The following GLMN variants were observed in gnomAD, a reference collection of about 807,000 sequenced individuals.
GLMN encodes glomulin, FKBP associated protein, also known as glomulin.
In GLMN, 75 loss-of-function variants were observed where a neutral mutation model predicts 87.8. That is an observed-to-expected ratio of 0.85 (90% CI 0.71 to 1.04). GLMN has a LOEUF of 1.04. Among genes scored for constraint, GLMN ranks in the 50% least tolerant of loss-of-function variants. The pLI is 0.00. For missense variants in GLMN, 588 were observed against 658.8 expected, an observed-to-expected ratio of 0.89 and a Z score of 1.18; for synonymous variants, 206 against 221.6, an observed-to-expected ratio of 0.93 and a Z score of 0.63.
In GLMN at chr1:92,247,747, A is replaced by T. The variant is rs184400301; in HGVS notation, c.1585+131T>A. On this transcript the variant is annotated intron_variant, in intron 17 of 18. Transcript: ENST00000370360. ...TAGATCTGCTAAGAATTTTAACTAT[A>T]AATAAAATGGCTTAGCTGTTATGGT... The T allele has an allele frequency of 1.0e-3, 652 of 621,516 alleles. 7 individuals carry two copies. The highest frequency in any genetic ancestry group is 0.01 in the African/African-American group (541 of 54,072). 38.5% of individuals were successfully genotyped at this position (621,516 alleles called of 1,614,324 possible). A position where few individuals can be genotyped will look rare whatever the true frequency, so the allele number is the denominator to read the frequency against.
chr1:92,332,473 CGTGTT>C, the GLMN span, among the ~76,000 whole-genome samples: 1 of 151,970 alleles, frequency 6.6e-6, no homozygotes, highest in Non-Finnish European at 1.5e-5. Flanking sequence ...ATCATATTGT[CGTGTT>C]TTATTATATG....
At chr1:92,363,068 G>GA in the GLMN span, among the ~76,000 whole-genome samples, 3 of 152,042 alleles carry the variant, frequency 2.0e-5, no homozygotes, top group South Asian at 2.1e-4. Context: ...TCTCCAGGGG[G>GA]AAAAAAATGC....
intron 4 of GLMN, among the ~76,000 whole-genome samples, chr1:92,291,095 T>C (rs1649350472): frequency 6.6e-6 from 1 of 152,218 alleles, no homozygotes; most frequent in African/African-American, 2.4e-5. Flanking sequence ...TTGAACTACC[T>C]CTCTAAAGCT....
Position 92,269,793 on chromosome 1 carries a change from A to T in GLMN, c.924-17T>A, listed in dbSNP as rs1325775418. ...TACAATGGGCTAAAATAGAAACAAA[A>T]CAAATATATATATTATACACACACA... is the stretch of plus-strand genomic sequence containing the variant. On this transcript the variant is annotated splice_polypyrimidine_tract_variant and intron_variant, in intron 8 of 18. Coordinates refer to ENST00000370360, the MANE Select transcript of GLMN (RefSeq NM_053274.3). 3 of 1,469,614 alleles carry T rather than the reference A, an allele frequency of 2.0e-6. No homozygotes were observed. The allele number at this position is 1,469,614 out of a possible 1,614,324, so 91.0% of individuals were successfully genotyped here.
upstream of GLMN, among the ~76,000 whole-genome samples, chr1:92,302,004 G>A (rs1377220474): frequency 6.6e-6 from 1 of 152,100 alleles, no homozygotes; most frequent in Admixed American, 6.5e-5. Context: ...AGCAAAAGAG[G>A]CCAGGCACAA....
chr1:92,312,823 T>C, the GLMN span, among the ~76,000 whole-genome samples: 1 of 151,930 alleles, frequency 6.6e-6, no homozygotes, highest in African/African-American at 2.4e-5. Context: ...TTTTTTTTTT[T>C]CCTTTTTTCT....
chr1:92,369,948 G>A, the GLMN span, among the ~76,000 whole-genome samples: 2 of 152,100 alleles, frequency 1.3e-5, no homozygotes, highest in East Asian at 1.9e-4. Context: ...GCAGTGGTGC[G>A]ATCTCGGCTT....
At chr1:92,286,774 G>C (rs1648804665) in intron 6 of GLMN, among the ~76,000 whole-genome samples, 182 bp from the exon 7 acceptor site, 1 of 152,198 alleles carries the variant, frequency 6.6e-6, no homozygotes, top group Non-Finnish European at 1.5e-5. Flanking sequence ...ATTAGGCCAA[G>C]GGGGCTCCAC....
intron 4 of GLMN, among the ~76,000 whole-genome samples, chr1:92,290,941 C>A (rs2101040828): frequency 6.6e-6 from 1 of 152,326 alleles, no homozygotes; most frequent in South Asian, 2.1e-4. Flanking sequence ...TTAGTCACAA[C>A]TGATCTGTAT....
chr1:92,312,894 T>C, the GLMN span, among the ~76,000 whole-genome samples: 1 of 151,880 alleles, frequency 6.6e-6, no homozygotes, highest in Non-Finnish European at 1.5e-5. Flanking sequence ...CGATCTTGGC[T>C]CACTACAACC....
the GLMN span, among the ~76,000 whole-genome samples, chr1:92,328,475 G>A: frequency 6.6e-6 from 1 of 152,096 alleles, no homozygotes. Context: ...CTCTAAGTAT[G>A]TCCTTCATTT....
intron 7 of GLMN, among the ~76,000 whole-genome samples, chr1:92,278,857 C>T (rs1301151732): frequency 2.0e-5 from 3 of 152,218 alleles, no homozygotes; most frequent in Non-Finnish European, 4.4e-5. Flanking sequence ...TCAAGTATTT[C>T]ATTTTCTCTA....
chr1:92,286,995 G>A (rs898759170), intron 6 of GLMN, among the ~76,000 whole-genome samples: 3 of 152,140 alleles, frequency 2.0e-5, no homozygotes, highest in Non-Finnish European at 4.4e-5. Context: ...TGTTATATCA[G>A]CACAAATGGA....
intron 7 of GLMN, among the ~76,000 whole-genome samples, chr1:92,278,098 C>T (rs916875697): frequency 5.3e-5 from 8 of 152,062 alleles, no homozygotes; most frequent in Admixed American, 5.2e-4. Context: ...GCTTGCTTGC[C>T]GTGAAGGGCA....
At chr1:92,345,703 T>A in the GLMN span, 4 of 581,770 alleles carry the variant, frequency 6.9e-6, no homozygotes, top group Non-Finnish European at 1.2e-5. Context: ...ATTATACTAT[T>A]GACTCTTTCC....
intron 5 of GLMN, among the ~76,000 whole-genome samples, chr1:92,289,895 G>A (rs150852950): frequency 6.6e-6 from 1 of 152,156 alleles, no homozygotes; most frequent in Non-Finnish European, 1.5e-5. Context: ...AACATGTTTA[G>A]AGAGAAAATT....
At chr1:92,273,528 T>C (rs1656479782) in intron 7 of GLMN, among the ~76,000 whole-genome samples, 1 of 149,554 alleles carries the variant, frequency 6.7e-6, no homozygotes, top group South Asian at 2.1e-4. Flanking sequence ...TACTGCAGCC[T>C]TGACTTCCCC....
intron 16 of GLMN, among the ~76,000 whole-genome samples, chr1:92,255,814 AG>A (rs1654153214): frequency 6.6e-6 from 1 of 152,224 alleles, no homozygotes; most frequent in Non-Finnish European, 1.5e-5. Flanking sequence ...AAAGTGGGAA[AG>A]ATCTAAAATC....
the GLMN span, among the ~76,000 whole-genome samples, chr1:92,314,393 A>T: frequency 7.0e-6 from 1 of 143,038 alleles, no homozygotes; most frequent in Non-Finnish European, 1.5e-5. Flanking sequence ...TATTTATTCT[A>T]AGTTGCATAC....
Sources: allele counts gnomAD v4.1 joint callset (sites outside exome capture counted in the v4.1 genomes callset), GRCh38; gene constraint gnomAD v4.1.1; transcripts MANE v1.5; gene names NCBI Gene and HGNC (gene_info 2026-07-23, HGNC 2026-07-21).